Variants in TOX3 observed in about 807,000 individuals in gnomAD.
The protein encoded by TOX3 is TOX high mobility group box family member 3.
A neutral mutation model predicts 64.3 loss-of-function variants in TOX3; 22 were observed. That is an observed-to-expected ratio of 0.34 (90% confidence interval 0.24 to 0.49). The LOEUF (loss-of-function observed/expected upper bound fraction) is 0.49, where lower values mean the gene tolerates loss of function less well. Among genes scored for constraint, TOX3 ranks in the 20% least tolerant of loss-of-function variants. TOX3 has a pLI of 0.99. For missense variants in TOX3, 661 were observed against 714.4 expected (o/e 0.93, Z 0.85); for synonymous variants, 291 against 273.6 (o/e 1.06, Z -0.63).
At chr16:52,447,147 T>C (rs1370887952) in intron 4 of TOX3, among the ~76,000 whole-genome samples, 2 of 152,172 alleles carry the variant, frequency 1.3e-5, no homozygotes, top group Non-Finnish European at 2.9e-5. Flanking sequence ...CACTGATCAT[T>C]TAACATACTT....
chr16:52,532,288 C>A (rs1415278398), intron 1 of TOX3, among the ~76,000 whole-genome samples: 1 of 152,210 alleles, frequency 6.6e-6, no homozygotes, highest in African/African-American at 2.4e-5. Flanking sequence ...CCTGGGCTGG[C>A]CCAGTGACTT....
chr16:52,469,460 A>C (rs2151759882), intron 1 of TOX3, among the ~76,000 whole-genome samples: 1 of 152,334 alleles, frequency 6.6e-6, no homozygotes, highest in South Asian at 2.1e-4. Context: ...TGAGTATAAT[A>C]ATCTAGAGCT....
chr16:52,514,624 A>T (rs1016063920), intron 1 of TOX3, among the ~76,000 whole-genome samples: 3 of 152,198 alleles, frequency 2.0e-5, no homozygotes, highest in African/African-American at 7.2e-5. Context: ...TAGGTCAAGA[A>T]TCTAAGAAGA....
chr16:52,508,466 C>G (rs1962218954), intron 1 of TOX3, among the ~76,000 whole-genome samples: 1 of 151,946 alleles, frequency 6.6e-6, no homozygotes, highest in African/African-American at 2.4e-5. Context: ...AGTGGCAAAC[C>G]AAAAGAAAGA....
At chr16:52,506,433 C>T (rs1962164530) in intron 1 of TOX3, among the ~76,000 whole-genome samples, 1 of 152,124 alleles carries the variant, frequency 6.6e-6, no homozygotes, top group South Asian at 2.1e-4. Flanking sequence ...TCATCTCAAC[C>T]CAACCCACCA....
rs1457227855 is a variant in TOX3, at chr16:52,547,105, C to G, written c.-382G>C. On this transcript the variant is annotated 5_prime_UTR_variant, in exon 1 of 7. Coordinates refer to ENST00000219746, the MANE Select transcript of TOX3 (RefSeq NM_001080430.4). ...GCGGCGGCTGGCCCCGCTCCTCCTCCTCCTCCCCGGGCGGACTGAGGAGAC... is the reference window on the plus strand; with the variant it reads ...GCGGCGGCTGGCCCCGCTCCTCCTCGTCCTCCCCGGGCGGACTGAGGAGAC... 3.9e-6 allele frequency: 1 copy of G among 254,416 alleles called. No individual in the cohort carries two copies. The highest frequency in any genetic ancestry group is 6.1e-6 in the Non-Finnish European group (1 of 163,916). The allele number at this position is 254,416 out of a possible 1,614,324, so 15.8% of individuals were successfully genotyped here.
Position 52,546,980 on chromosome 16 carries a change from TGC to T in TOX3, c.-259_-258del. The stretch of plus-strand genomic sequence containing the variant: ...CCCCGCCGGGGCACCGAGGCAGCGC[TGC>T]GCGCGGGCCGGGCGCCGGGGGCGCG... On this transcript the variant is annotated 5_prime_UTR_variant, in exon 1 of 7. Transcript: ENST00000219746. 5.1e-6 allele frequency: 5 copies of T among 974,136 alleles called. No homozygotes were observed. Among genetic ancestry groups the T allele is most frequent in the Non-Finnish European group, 6.1e-6 (5 of 824,958 alleles). 60.3% of individuals were successfully genotyped at this position (974,136 alleles called of 1,614,324 possible).
chr16:52,532,339 T>TG (rs1962868846), intron 1 of TOX3, among the ~76,000 whole-genome samples: 1 of 152,188 alleles, frequency 6.6e-6, no homozygotes, highest in South Asian at 2.1e-4. Flanking sequence ...CAGTGTGCCA[T>TG]TTCTGGGCCT....
chr16:52,449,680 G>A (rs548418262), intron 4 of TOX3, among the ~76,000 whole-genome samples: 2 of 152,360 alleles, frequency 1.3e-5, no homozygotes, highest in East Asian at 1.9e-4. Context: ...AGTGACTAAT[G>A]AGTAATTATG....
intron 1 of TOX3, among the ~76,000 whole-genome samples, chr16:52,505,676 G>T (rs1962139336): frequency 6.6e-6 from 1 of 152,116 alleles, no homozygotes; most frequent in African/African-American, 2.4e-5. Context: ...GTCACAATAA[G>T]AATTAGGAAT....
At chr16:52,542,139 T>G (rs1030108368) in intron 1 of TOX3, among the ~76,000 whole-genome samples, 6 of 152,184 alleles carry the variant, frequency 3.9e-5, no homozygotes, top group African/African-American at 7.2e-5. Flanking sequence ...TGCTTAGAGC[T>G]GCCAAGGTTC....
At chr16:52,511,766 G>T (rs919715724) in intron 1 of TOX3, among the ~76,000 whole-genome samples, 1 of 152,200 alleles carries the variant, frequency 6.6e-6, no homozygotes, top group African/African-American at 2.4e-5. Context: ...ATAGTTTGAA[G>T]AGTGAGTCAG....
chr16:52,546,583 C>A, intron 1 of TOX3, 54 bp downstream of exon 1: 1 of 1,488,484 alleles, frequency 6.7e-7, no homozygotes, highest in Non-Finnish European at 9.0e-7. Flanking sequence ...GCGGGGCGCG[C>A]CCAGGATGGG....
chr16:52,517,466 C>T (rs1258069527), intron 1 of TOX3, among the ~76,000 whole-genome samples: 4 of 152,002 alleles, frequency 2.6e-5, no homozygotes, highest in African/African-American at 9.7e-5. Flanking sequence ...ATACAGATGG[C>T]TCTCTTCTTG....
chr16:52,529,902 T>G (rs1166135331), intron 1 of TOX3, among the ~76,000 whole-genome samples: 1 of 152,218 alleles, frequency 6.6e-6, no homozygotes, highest in African/African-American at 2.4e-5. Flanking sequence ...AGTGAAGCCT[T>G]AATCAGTGTG....
chr16:52,469,468 G>A (rs776626475), intron 1 of TOX3, among the ~76,000 whole-genome samples: 2 of 152,096 alleles, frequency 1.3e-5, no homozygotes, highest in African/African-American at 2.4e-5. Flanking sequence ...ATAATCTAGA[G>A]CTATATTATT....
At chr16:52,463,762 C>T (rs1457868508) in intron 3 of TOX3, among the ~76,000 whole-genome samples, 172 bp downstream of exon 3, 1 of 152,170 alleles carries the variant, frequency 6.6e-6, no homozygotes, top group Non-Finnish European at 1.5e-5. Context: ...TCAACCAACC[C>T]AATACCCCTT....
intron 1 of TOX3, among the ~76,000 whole-genome samples, chr16:52,526,022 CCACTG>C (rs1404644004): frequency 1.3e-5 from 2 of 152,140 alleles, no homozygotes; most frequent in Non-Finnish European, 2.9e-5. Flanking sequence ...TAAGAATTTC[CCACTG>C]CCTTTGAAAT....
chr16:52,544,762 A>G (rs1187897080), intron 1 of TOX3, among the ~76,000 whole-genome samples: 2 of 152,212 alleles, frequency 1.3e-5, no homozygotes, highest in Non-Finnish European at 2.9e-5. Flanking sequence ...CAGAAAATAA[A>G]AAAGAGACAC....
Sources: allele counts gnomAD v4.1 joint callset (sites outside exome capture counted in the v4.1 genomes callset), GRCh38; gene constraint gnomAD v4.1.1; transcripts MANE v1.5; gene names NCBI Gene and HGNC (gene_info 2026-07-23, HGNC 2026-07-21).